ZNF536: variants seen among roughly 807,000 people sequenced by gnomAD.
ZNF536 encodes the protein zinc finger protein 536.
Under a neutral mutation model 84.5 loss-of-function variants are expected in ZNF536, and 13 were observed. That is an observed-to-expected ratio of 0.15 (90% confidence interval 0.10 to 0.24). The LOEUF is 0.24. Ranked by LOEUF, ZNF536 falls within the 10% of genes least tolerant of loss-of-function variation. The probability of loss-of-function intolerance (pLI) is 1.00; values close to 1 mark genes in which losing one functional copy is unlikely to be tolerated. For missense variants in ZNF536, 1,536 were observed against 1,747.5 expected (o/e 0.88, Z 2.16); for synonymous variants, 811 against 742.5 (o/e 1.09, Z -1.50).
rs146992120 is a variant in ZNF536, at chr19:30,317,674, G to A, written c.-120+33533G>A. Among the ~76,000 whole-genome samples the A allele has an allele frequency of 6.7e-3, 1,013 of 152,308 alleles. 7 individuals carry two copies. The highest frequency in any genetic ancestry group is 0.022 in the African/African-American group (931 of 41,572). On this transcript the variant is annotated intron_variant, in intron 2 of 5. Coordinates refer to the ZNF536 transcript ENST00000585628. The stretch of plus-strand genomic sequence containing the variant: ...GGGGCTGGGCATTCCTTCTGGAGGG[G>A]GAGATGAGTTTCAATGACCTCTGAC...
chr19:30,395,321 G>A (rs2049769790), intron 1 of ZNF536, among the ~76,000 whole-genome samples: 1 of 152,204 alleles, frequency 6.6e-6, no homozygotes, highest in Non-Finnish European at 1.5e-5. Flanking sequence ...GTGGCATTTT[G>A]TTGTTTTGTT....
chr19:30,604,921 C>G (rs547820461), intron 1 of ZNF536, among the ~76,000 whole-genome samples: 2 of 152,292 alleles, frequency 1.3e-5, no homozygotes, highest in African/African-American at 4.8e-5. Flanking sequence ...GGAAGGCAGC[C>G]AGAGTCCTTC....
At chr19:30,640,549 C>T (rs1600118735) in intron 1 of ZNF536, among the ~76,000 whole-genome samples, 1 of 152,148 alleles carries the variant, frequency 6.6e-6, no homozygotes, top group Non-Finnish European at 1.5e-5. Context: ...ATTGAGGTAT[C>T]GTAAGATTGT....
At chr19:30,515,443 T>C (rs1286954060) in intron 2 of ZNF536, among the ~76,000 whole-genome samples, 1 of 152,200 alleles carries the variant, frequency 6.6e-6, no homozygotes, top group Non-Finnish European at 1.5e-5. Flanking sequence ...TTTTAGTATA[T>C]TTATTTTGCT....
chr19:30,329,184 G>A (rs2047130115), intron 2 of ZNF536, among the ~76,000 whole-genome samples: 1 of 152,178 alleles, frequency 6.6e-6, no homozygotes, highest in Non-Finnish European at 1.5e-5. Context: ...GAGAACATGG[G>A]CCACACAACA....
rs1225423833 is a variant in ZNF536 at position 30,443,865 on chromosome 19, C to T, written c.303C>T (p.Asp101=). The change falls in exon 2 of 5, where the codon GAC becomes GAT. Residue 101 remains aspartate, a synonymous_variant. Coordinates refer to ENST00000355537, the MANE Select transcript of ZNF536 (RefSeq NM_014717.3). The part of the protein sequence containing the change: ...EVDTSLNGRV[D]LQQFLNGQNL... ...ACACCAGCCTCAACGGGAGGGTGGA[C>T]TTGCAGCAGTTCCTCAACGGGCAGA... 2 of 1,613,466 alleles carry T rather than the reference C, an allele frequency of 1.2e-6. No individual in the cohort carries two copies. The highest frequency in any genetic ancestry group is 2.2e-5 in the East Asian group (1 of 44,888).
At chr19:30,261,357 T>C (rs1422189065) in intron 1 of ZNF536, among the ~76,000 whole-genome samples, 1 of 150,726 alleles carries the variant, frequency 6.6e-6, no homozygotes, top group African/African-American at 2.4e-5. Flanking sequence ...GCTGTGAGTT[T>C]TGCAGATGCT....
intron 1 of ZNF536, among the ~76,000 whole-genome samples, chr19:30,690,911 G>GT (rs1192573021): frequency 2.0e-5 from 3 of 151,874 alleles, no homozygotes; most frequent in East Asian, 1.9e-4. Context: ...GCAATGCTTG[G>GT]TTTTTTTTCT....
chr19:30,443,886 G>A lies in ZNF536; in HGVS notation c.324G>A (p.Gly108=), dbSNP rs1280870121. Residue 108 remains glycine, a synonymous_variant, in exon 2 of 5, where the codon GGG becomes GGA. Transcript: ENST00000355537. ...GRVDLQQFLN[G]QNLGIMSQMS... is the part of the protein sequence containing the mutation. ...TGGACTTGCAGCAGTTCCTCAACGGGCAGAACCTGGGCATCATGTCCCAGA... is the reference window on the plus strand; with the variant it reads ...TGGACTTGCAGCAGTTCCTCAACGGACAGAACCTGGGCATCATGTCCCAGA... 6.2e-7 allele frequency: 1 copy of A among 1,613,638 alleles called. No homozygotes were observed. The highest frequency in any genetic ancestry group is 8.5e-7 in the Non-Finnish European group (1 of 1,180,010).
At chr19:30,401,092 C>T (rs1466119349) in intron 1 of ZNF536, among the ~76,000 whole-genome samples, 1 of 151,978 alleles carries the variant, frequency 6.6e-6, no homozygotes, top group Non-Finnish European at 1.5e-5. Flanking sequence ...TATAGATATC[C>T]AGTTGTTCTA....
At chr19:30,631,362 T>A (rs149827670) in intron 1 of ZNF536, among the ~76,000 whole-genome samples, 1,586 of 152,206 alleles carry the variant, frequency 0.01, 31 homozygotes, top group African/African-American at 0.036. Flanking sequence ...GAATTCACCA[T>A]GGCTGAGCCG....
chr19:30,374,924 C>G (rs1275544669), intron 1 of ZNF536, among the ~76,000 whole-genome samples: 1 of 151,846 alleles, frequency 6.6e-6, no homozygotes, highest in African/African-American at 2.4e-5. Flanking sequence ...CACGAGCAGG[C>G]AGCCCTGGCA....
chr19:30,287,870 GC>G (rs1288454745), intron 2 of ZNF536, among the ~76,000 whole-genome samples: 1 of 152,156 alleles, frequency 6.6e-6, no homozygotes, highest in Non-Finnish European at 1.5e-5. Flanking sequence ...TCTATCTCAA[GC>G]CCTAACATGT....
chr19:30,488,478 A>G (rs1192946821), intron 2 of ZNF536, among the ~76,000 whole-genome samples: 1 of 151,898 alleles, frequency 6.6e-6, no homozygotes, highest in East Asian at 1.9e-4. Context: ...AATGTCTGAA[A>G]TGTGATTTCT....
At chr19:30,502,247 G>A (rs1045286879) in intron 2 of ZNF536, among the ~76,000 whole-genome samples, 9 of 152,210 alleles carry the variant, frequency 5.9e-5, no homozygotes, top group African/African-American at 1.9e-4. Flanking sequence ...TGAATTGCCT[G>A]TCTTGAGTCT....
At chr19:30,636,804 G>T (rs1176526771) in intron 1 of ZNF536, among the ~76,000 whole-genome samples, 2 of 152,144 alleles carry the variant, frequency 1.3e-5, no homozygotes, top group Non-Finnish European at 2.9e-5. Context: ...GCCTGTTGCG[G>T]GCCTGGGGAC....
chr19:30,385,139 C>A (rs2049285838), intron 1 of ZNF536, among the ~76,000 whole-genome samples: 2 of 152,140 alleles, frequency 1.3e-5, no homozygotes, highest in South Asian at 4.1e-4. Context: ...TTCCCTGCAG[C>A]AGCTGCCCCA....
At chr19:30,660,115 C>T (rs562764768) in intron 1 of ZNF536, among the ~76,000 whole-genome samples, 1 of 152,258 alleles carries the variant, frequency 6.6e-6, no homozygotes, top group Admixed American at 6.5e-5. Flanking sequence ...GGTCACTTTG[C>T]CTATTCGTGG....
chr19:30,302,788 C>T (rs1173621617), intron 2 of ZNF536, among the ~76,000 whole-genome samples: 1 of 151,870 alleles, frequency 6.6e-6, no homozygotes, highest in Non-Finnish European at 1.5e-5. Context: ...CCTCAACTGC[C>T]CCCAGGGCCT....
Sources: gnomAD v4.1 joint callset for allele counts (sites outside exome capture counted in the v4.1 genomes callset) on GRCh38, gnomAD v4.1.1 for gene constraint, MANE v1.5 for transcripts, NCBI Gene and HGNC (gene_info 2026-07-23, HGNC 2026-07-21) for gene names.